XKRX: variants seen among roughly 807,000 people sequenced by gnomAD.
The protein encoded by XKRX is XK related X-linked, also known as XK-related protein 2.
A neutral mutation model predicts 22.4 loss-of-function variants in XKRX; 11 were observed. The ratio of observed to expected loss-of-function variants is 0.49; its 90% CI spans 0.31 to 0.81. XKRX has a LOEUF of 0.81. XKRX is among the 40% of genes least tolerant of loss of function. XKRX has a pLI of 0.05. For missense variants in XKRX, 320 were observed against 336.5 expected (o/e 0.95, Z 0.38); for synonymous variants, 114 against 132.2 (o/e 0.86, Z 0.94).
intron 2 of XKRX, among the ~76,000 whole-genome samples, chrX:100,917,667 AAG>A (rs2085447517): frequency 2.3e-5 from 1 of 42,990 alleles, no homozygotes; most frequent in Non-Finnish European, 4.1e-5. Context: ...GAAAGAAAGA[AAG>A]AAAGAAAAGA....
At chrX:100,910,722 C>T (rs1334822128), downstream of XKRX, 5 of 622,446 alleles carry the variant, frequency 8.0e-6, no homozygotes, top group East Asian at 1.0e-4. Flanking sequence ...TGCCACAGAA[C>T]GAATATATTG....
At chrX:100,951,234 CAAAAAAA>C in the XKRX span, among the ~76,000 whole-genome samples, 2 of 25,482 alleles carry the variant, frequency 7.8e-5, no homozygotes, top group African/African-American at 2.6e-4. Context: ...GGCTCCATCG[CAAAAAAA>C]AAAAAAAAAA....
chrX:100,910,933 C>T, downstream of XKRX: 4 of 569,269 alleles, frequency 7.0e-6, no homozygotes, highest in South Asian at 9.7e-5. Context: ...ACACCAAACA[C>T]AAGAATAATG....
upstream of XKRX, among the ~76,000 whole-genome samples, chrX:100,934,184 C>A (rs2085528948): frequency 8.9e-6 from 1 of 111,871 alleles, no homozygotes; most frequent in Non-Finnish European, 1.9e-5. Context: ...AAGGTTCATC[C>A]ATGTCGTAGC....
rs147872571 is a variant in XKRX at position 100,928,216 on chromosome X, C to T, written c.89G>A (p.Arg30Gln). 1.2e-3 allele frequency: 1,436 copies of T among 1,210,070 alleles called. No homozygotes were observed. Among genetic ancestry groups the T allele is most frequent in the Non-Finnish European group, 1.5e-3 (1,311 of 895,286 alleles). The change falls in exon 1 of 3, where the codon CGA becomes CAA. Residue 30 changes from arginine (R) to glutamine (Q), a missense_variant. Coordinates refer to ENST00000372956, the MANE Select transcript of XKRX (RefSeq NM_212559.3). Reference protein sequence around the residue: ...EEDVIRGANPRFTFPFSILFS... With the variant: ...EEDVIRGANPQFTFPFSILFS... ...AAGGATGCTAAATGGAAAAGTAAATCGGGGGTTGGCTCCACGGATGACATC... is the reference window on the plus strand; with the variant it reads ...AAGGATGCTAAATGGAAAAGTAAATTGGGGGTTGGCTCCACGGATGACATC...
At chrX:100,897,046 G>T in the XKRX span, among the ~76,000 whole-genome samples, 29 of 111,158 alleles carry the variant, frequency 2.6e-4, 1 homozygote, top group East Asian at 2.2e-3. Context: ...GAAGCACAAA[G>T]AAATCTTAAA....
At chrX:100,916,077 C>CCACACA (rs72334101) in intron 2 of XKRX, among the ~76,000 whole-genome samples, 1,904 of 97,036 alleles carry the variant, frequency 0.02, 41 homozygotes, top group East Asian at 0.067. Context: ...TTAAGTTTTA[C>CCACACA]CACACACACA....
intron 2 of XKRX, among the ~76,000 whole-genome samples, chrX:100,915,782 G>A (rs1258480692): frequency 1.8e-5 from 2 of 109,217 alleles, no homozygotes; most frequent in African/African-American, 6.7e-5. Flanking sequence ...TGACAACACA[G>A]ATGAACCTAG....
At chrX:100,908,942 T>C (rs967973194), downstream of XKRX, among the ~76,000 whole-genome samples, 8 of 111,228 alleles carry the variant, frequency 7.2e-5, no homozygotes, top group African/African-American at 2.0e-4. Context: ...TATTCTCTAC[T>C]GTCCACTTCC....
chrX:100,899,153 A>T, the XKRX span, among the ~76,000 whole-genome samples: 5 of 112,725 alleles, frequency 4.4e-5, no homozygotes, highest in Non-Finnish European at 7.5e-5. Flanking sequence ...AATGAATGAA[A>T]CTGCTCCTGA....
At chrX:100,909,576 T>G (rs1467890554), downstream of XKRX, among the ~76,000 whole-genome samples, 1 of 111,713 alleles carries the variant, frequency 9.0e-6, no homozygotes, top group Non-Finnish European at 1.9e-5. Context: ...TAACAATACC[T>G]ACCTCATAAG....
the XKRX span, among the ~76,000 whole-genome samples, chrX:100,951,157 C>T: frequency 9.6e-6 from 1 of 104,444 alleles, no homozygotes; most frequent in Non-Finnish European, 2.0e-5. Flanking sequence ...TCGCTTGAAC[C>T]CAGGAGGTGG....
At chrX:100,908,524 C>T (rs1404264585), downstream of XKRX, among the ~76,000 whole-genome samples, 1 of 111,685 alleles carries the variant, frequency 9.0e-6, no homozygotes, top group East Asian at 2.8e-4. Context: ...CAACATATTT[C>T]CGCTATGTAC....
the XKRX span, chrX:100,957,601 C>T: frequency 1.1e-5 from 7 of 665,947 alleles, no homozygotes; most frequent in Non-Finnish European, 1.4e-5. Context: ...AGCCTTAATT[C>T]CACTTCCGGA....
chrX:100,919,848 A>G (rs924468397), intron 2 of XKRX, among the ~76,000 whole-genome samples: 1 of 112,006 alleles, frequency 8.9e-6, no homozygotes, highest in Non-Finnish European at 1.9e-5. Context: ...AATATCAATA[A>G]AATTTTAAAC....
upstream of XKRX, among the ~76,000 whole-genome samples, chrX:100,931,648 C>G (rs983844695): frequency 1.8e-5 from 2 of 111,488 alleles, no homozygotes; most frequent in Non-Finnish European, 3.8e-5. Flanking sequence ...TGCCTCCCCC[C>G]AAAAATGTAA....
the XKRX span, among the ~76,000 whole-genome samples, chrX:100,898,380 G>T: frequency 6.4e-5 from 7 of 109,497 alleles, no homozygotes; most frequent in Non-Finnish European, 1.3e-4. Context: ...AAGGGTGCAA[G>T]GGCTTGCCTT....
chrX:100,925,333 T>C (rs2085493534), intron 1 of XKRX, among the ~76,000 whole-genome samples: 1 of 112,398 alleles, frequency 8.9e-6, no homozygotes. Context: ...ACCCAGACTC[T>C]ACAAGCACCT....
the XKRX span, among the ~76,000 whole-genome samples, chrX:100,903,625 T>C: frequency 8.9e-6 from 1 of 112,068 alleles, no homozygotes; most frequent in South Asian, 3.7e-4. Context: ...ATTATCAGTG[T>C]TTTGGATTTT....
Sources: allele counts gnomAD v4.1 joint callset (sites outside exome capture counted in the v4.1 genomes callset), GRCh38; gene constraint gnomAD v4.1.1; transcripts MANE v1.5; gene names NCBI Gene and HGNC (gene_info 2026-07-23, HGNC 2026-07-21).